PRKCA: variants seen among roughly 807,000 people sequenced by gnomAD.
PRKCA encodes protein kinase C alpha type.
A neutral mutation model predicts 87.0 loss-of-function variants in PRKCA; 27 were observed. The observed-to-expected ratio is 0.31, with a 90% CI of 0.23 to 0.43. The LOEUF (loss-of-function observed/expected upper bound fraction) is 0.43, where lower values mean the gene tolerates loss of function less well. PRKCA is among the 20% of genes least tolerant of loss of function. The pLI is 1.00. For missense variants in PRKCA, 518 were observed against 852.3 expected (o/e 0.61, Z 4.88); for synonymous variants, 329 against 311.1 (o/e 1.06, Z -0.61).
In PRKCA at chr17:66,809,382, C is replaced by T. The variant is rs1475228710; in HGVS notation, c.*5345C>T. The T allele has an allele frequency of 6.6e-6, 1 of 152,532 alleles. No individual in the cohort carries two copies. The highest frequency in any genetic ancestry group is 2.4e-5 in the African/African-American group (1 of 41,418). 9.4% of individuals were successfully genotyped at this position (152,532 alleles called of 1,614,324 possible). A position where few individuals can be genotyped will look rare whatever the true frequency, so the allele number is the denominator to read the frequency against. On this transcript the variant is annotated 3_prime_UTR_variant, in exon 17 of 17. Transcript: ENST00000413366. ...TTACAGTGACCCTACACAAAAGCCC[C>T]CAAATTCCAAAGACTTTTTCTTAAC... is the stretch of plus-strand genomic sequence containing the variant.
chr17:66,498,763 C>T (rs374134694), intron 3 of PRKCA, among the ~76,000 whole-genome samples: 34 of 152,310 alleles, frequency 2.2e-4, no homozygotes, highest in Admixed American at 1.4e-3. Context: ...TGTGTGCGTG[C>T]GTACGCGCAT....
At position 66,804,161 on chromosome 17, in the gene PRKCA, T is replaced by C; in HGVS notation, c.*124T>C. The C allele has an allele frequency of 7.4e-7, 1 of 1,345,772 alleles. No individual in the cohort carries two copies. The highest frequency in any genetic ancestry group is 9.9e-7 in the Non-Finnish European group (1 of 1,007,000). The allele number at this position is 1,345,772 out of a possible 1,614,324, so 83.4% of individuals were successfully genotyped here. ...CTGATTCCATATGGAGGCCTGAAAA[T>C]TGTAGGGTTATTAGTCCAAATGTGA... On this transcript the variant is annotated 3_prime_UTR_variant, in exon 17 of 17. Coordinates refer to ENST00000413366, the MANE Select transcript of PRKCA (RefSeq NM_002737.3).
At chr17:66,427,426 A>G (rs983000842) in intron 2 of PRKCA, among the ~76,000 whole-genome samples, 6 of 152,276 alleles carry the variant, frequency 3.9e-5, no homozygotes, top group African/African-American at 1.2e-4. Context: ...TTGAGTAGTT[A>G]TGAAAGAGAG....
intron 2 of PRKCA, chr17:66,364,426 G>A (rs544978459): frequency 6.6e-6 from 1 of 152,158 alleles, no homozygotes; most frequent in East Asian, 1.9e-4. Flanking sequence ...AAAACCAAAG[G>A]GGTTTTGTGC....
intron 8 of PRKCA, among the ~76,000 whole-genome samples, chr17:66,720,390 T>C (rs1567994978): frequency 6.6e-6 from 1 of 152,230 alleles, no homozygotes. Context: ...TTAAGTAGCA[T>C]CATTTTAACC....
intron 2 of PRKCA, among the ~76,000 whole-genome samples, chr17:66,315,538 A>G (rs964508847): frequency 6.8e-6 from 1 of 147,290 alleles, no homozygotes; most frequent in Admixed American, 6.8e-5. Flanking sequence ...GGAGTGCAGT[A>G]GTGTGATCTC....
intron 2 of PRKCA, among the ~76,000 whole-genome samples, chr17:66,407,074 A>G (rs1481299915): frequency 1.3e-5 from 2 of 152,152 alleles, no homozygotes; most frequent in Non-Finnish European, 2.9e-5. Context: ...CAGAGCAACT[A>G]ATATTTTGCT....
chr17:66,613,322 C>T (rs1466173343), intron 3 of PRKCA, among the ~76,000 whole-genome samples: 1 of 152,144 alleles, frequency 6.6e-6, no homozygotes, highest in Admixed American at 6.5e-5. Flanking sequence ...GCCGTCTACA[C>T]AAGAGAGATG....
At chr17:66,673,884 C>CA (rs1302560019) in intron 5 of PRKCA, among the ~76,000 whole-genome samples, 2 of 152,198 alleles carry the variant, frequency 1.3e-5, no homozygotes. Flanking sequence ...TTTGTGGGTA[C>CA]AGAGATTCTT....
chr17:66,346,116 T>C (rs2143388758), intron 2 of PRKCA, among the ~76,000 whole-genome samples: 1 of 150,120 alleles, frequency 6.7e-6, no homozygotes, highest in South Asian at 2.1e-4. Context: ...TTTTTTGAGA[T>C]GGAGTTTCAC....
At chr17:66,305,137 A>G (rs1904743260) in intron 1 of PRKCA, among the ~76,000 whole-genome samples, 1 of 151,894 alleles carries the variant, frequency 6.6e-6, no homozygotes, top group African/African-American at 2.4e-5. Flanking sequence ...TGGAAGTCCC[A>G]GGAAACCATC....
At chr17:66,528,380 A>G (rs972578282) in intron 3 of PRKCA, among the ~76,000 whole-genome samples, 15 of 152,144 alleles carry the variant, frequency 9.9e-5, no homozygotes, top group African/African-American at 3.6e-4. Flanking sequence ...TTTTTCCTAC[A>G]TGGAAAAGAG....
intron 5 of PRKCA, among the ~76,000 whole-genome samples, chr17:66,656,477 G>A (rs962428072): frequency 1.3e-5 from 2 of 152,110 alleles, no homozygotes; most frequent in African/African-American, 4.8e-5. Context: ...TCTAATTATA[G>A]GATTATCATT....
chr17:66,789,388 C>T (rs894445300), intron 16 of PRKCA, among the ~76,000 whole-genome samples: 5 of 152,306 alleles, frequency 3.3e-5, no homozygotes, highest in Non-Finnish European at 5.9e-5. Context: ...TGCCTGGCAC[C>T]GAAGGGAGCT....
intron 3 of PRKCA, among the ~76,000 whole-genome samples, chr17:66,558,521 C>T (rs1968573558): frequency 1.3e-5 from 2 of 152,112 alleles, no homozygotes; most frequent in Non-Finnish European, 2.9e-5. Flanking sequence ...AAAGGGGGAC[C>T]TGGTGCAGGC....
chr17:66,742,517 G>A (rs61761552), intron 12 of PRKCA, 105 bp from the exon 13 acceptor site: 286,802 of 1,166,954 alleles, frequency 0.25, 37,173 homozygotes, highest in Non-Finnish European at 0.27. Context: ...AGTTAATATT[G>A]CCATTGAGCT....
At chr17:66,488,631 A>G (rs1346967487) in intron 2 of PRKCA, among the ~76,000 whole-genome samples, 1 of 152,230 alleles carries the variant, frequency 6.6e-6, no homozygotes, top group Non-Finnish European at 1.5e-5. Context: ...TTGAAATTAG[A>G]GAAAAAGAAG....
intron 3 of PRKCA, among the ~76,000 whole-genome samples, chr17:66,564,689 A>G (rs995307091): frequency 6.6e-6 from 1 of 152,200 alleles, no homozygotes; most frequent in African/African-American, 2.4e-5. Context: ...TGTTTTTAAA[A>G]GACCAGTGCC....
chr17:66,496,377 T>G (rs1916475009), intron 3 of PRKCA, 94 bp downstream of exon 3: 1 of 1,048,742 alleles, frequency 9.5e-7, no homozygotes, highest in African/African-American at 1.6e-5. Flanking sequence ...TGGCACTTAC[T>G]GTTAATGGGA....
Sources: allele counts gnomAD v4.1 joint callset (sites outside exome capture counted in the v4.1 genomes callset), GRCh38; gene constraint gnomAD v4.1.1; transcripts MANE v1.5; gene names NCBI Gene and HGNC (gene_info 2026-07-23, HGNC 2026-07-21).